HSDL1: variants seen among roughly 807,000 people sequenced by gnomAD.
HSDL1 encodes the protein inactive hydroxysteroid dehydrogenase-like protein 1.
A neutral mutation model predicts 31.5 loss-of-function variants in HSDL1; 29 were observed. The ratio of observed to expected loss-of-function variants is 0.92; its 90% CI spans 0.69 to 1.26. The LOEUF (loss-of-function observed/expected upper bound fraction) is 1.26. Ranked by LOEUF, HSDL1 falls within the 50% of genes most tolerant of loss-of-function variation. HSDL1 has a pLI of 0.00. For missense variants in HSDL1, 503 were observed against 416.6 expected (o/e 1.21, Z -1.81); for synonymous variants, 222 against 155.2 (o/e 1.43, Z -3.20).
At position 84,143,488 on chromosome 16, in the gene HSDL1, T is replaced by C. The variant is rs769216695; in HGVS notation, c.-69+1592A>G. 7.2e-5 allele frequency among the ~76,000 whole-genome samples: 11 copies of C among 152,302 alleles called. No individual in the cohort carries two copies. In the East Asian group the frequency reaches 7.7e-4, roughly 11 times the overall value. The stretch of plus-strand genomic sequence containing the variant: ...ACTGTTAATGGGGTTGGGGTTTCTT[T>C]TGTAGGTGATTAAATGTTCTGGAAT... On this transcript the variant is annotated intron_variant, in intron 1 of 5. Coordinates refer to ENST00000219439, the MANE Select transcript of HSDL1 (RefSeq NM_031463.5).
intron 2 of HSDL1, among the ~76,000 whole-genome samples, chr16:84,131,909 G>C (rs528818680): frequency 5.5e-4 from 84 of 152,330 alleles, no homozygotes; most frequent in Non-Finnish European, 1.1e-3. Flanking sequence ...TCAAACTCCT[G>C]ACCTCAGGTG....
intron 1 of HSDL1, among the ~76,000 whole-genome samples, chr16:84,140,610 A>G (rs889145812): frequency 2.0e-5 from 3 of 152,154 alleles, no homozygotes; most frequent in Admixed American, 2.0e-4. Context: ...TATTATGCAC[A>G]GTTCAAAGAA....
chr16:84,141,443 G>A (rs2086768754), intron 1 of HSDL1, among the ~76,000 whole-genome samples: 1 of 152,240 alleles, frequency 6.6e-6, no homozygotes, highest in African/African-American at 2.4e-5. Flanking sequence ...CACGTGCACT[G>A]TTTCTGCTGG....
rs865801592 is a variant in HSDL1 at position 84,124,689 on chromosome 16, A to G, written c.934T>C (p.Trp312Arg). The G allele has an allele frequency of 1.2e-6, 2 of 1,613,934 alleles. No individual in the cohort carries two copies. The highest frequency in any genetic ancestry group is 1.7e-6 in the Non-Finnish European group (2 of 1,179,794). ...AQYMPEWLWVWGANILNRSLR... is the reference protein window; with the variant it reads ...AQYMPEWLWVRGANILNRSLR... ...GAACGGTTGAGAATATTTGCTCCCC[A>G]CACCCAGAGCCATTCAGGCATATAC... Residue 312 changes from tryptophan to arginine, a missense_variant, in exon 6 of 6, where the codon TGG becomes CGG. Physicochemically the swap from Trp to Arg is moderately radical, Grantham distance 101 (BLOSUM62 -3). Coordinates refer to ENST00000219439, the MANE Select transcript of HSDL1 (RefSeq NM_031463.5).
Position 84,122,504 on chromosome 16 carries a change from T to A in HSDL1, c.*2126A>T, listed in dbSNP as rs2086564271. The A allele has an allele frequency of 6.6e-6, 1 of 152,212 alleles. No homozygotes were observed. Among genetic ancestry groups the A allele is most frequent in the Non-Finnish European group, 1.5e-5 (1 of 68,088 alleles). 9.4% of individuals were successfully genotyped at this position (152,212 alleles called of 1,614,324 possible). The stretch of plus-strand genomic sequence containing the variant: ...TCCCAAGTAGCTGGGACTACAGGCA[T>A]GCACCACCCTGCCTGGCTAATTTTT... On this transcript the variant is annotated 3_prime_UTR_variant, in exon 6 of 6. Transcript: ENST00000219439.
At chr16:84,143,808 C>G (rs2086797809) in intron 1 of HSDL1, among the ~76,000 whole-genome samples, 1 of 149,882 alleles carries the variant, frequency 6.7e-6, no homozygotes, top group East Asian at 1.9e-4. Flanking sequence ...GCTACCCTGA[C>G]CAACACAGCG....
chr16:84,130,517 G>C (rs928186429), intron 3 of HSDL1, 86 bp from the exon 4 acceptor site: 3 of 1,136,712 alleles, frequency 2.6e-6, no homozygotes, highest in Non-Finnish European at 3.8e-6. Flanking sequence ...GTCAGGTTTA[G>C]TCAGAGAAAA....
intron 2 of HSDL1, among the ~76,000 whole-genome samples, chr16:84,133,329 C>T (rs1051206017): frequency 6.6e-6 from 1 of 152,134 alleles, no homozygotes; most frequent in African/African-American, 2.4e-5. Context: ...TTCCTAAATG[C>T]CCTACGATAA....
At chr16:84,133,912 C>G (rs1263821130) in intron 2 of HSDL1, among the ~76,000 whole-genome samples, 1 of 152,100 alleles carries the variant, frequency 6.6e-6, no homozygotes, top group Non-Finnish European at 1.5e-5. Flanking sequence ...AATACTTAAG[C>G]TAAAAACAAC....
intron 4 of HSDL1, 98 bp downstream of exon 4, chr16:84,129,888 G>T: frequency 2.8e-6 from 4 of 1,404,294 alleles, no homozygotes; most frequent in Non-Finnish European, 3.9e-6. Flanking sequence ...ATAAGCATAT[G>T]TGAGTTGCTG....
intron 1 of HSDL1, among the ~76,000 whole-genome samples, chr16:84,142,784 T>G (rs954072281): frequency 3.9e-5 from 6 of 152,182 alleles, no homozygotes; most frequent in African/African-American, 1.2e-4. Context: ...TGTAGACAAC[T>G]TTATTTAATA....
At chr16:84,127,627 G>C (rs1035660945) in intron 5 of HSDL1, among the ~76,000 whole-genome samples, 1 of 148,096 alleles carries the variant, frequency 6.8e-6, no homozygotes. Context: ...CATGCAAACA[G>C]TCCCAAAAAT....
chr16:84,142,427 CA>C (rs2086776954), intron 1 of HSDL1, among the ~76,000 whole-genome samples: 1 of 118,312 alleles, frequency 8.5e-6, no homozygotes, highest in Non-Finnish European at 1.7e-5. Flanking sequence ...GGATCTCACA[CA>C]TCTTTTTTTT....
intron 2 of HSDL1, among the ~76,000 whole-genome samples, chr16:84,132,794 G>C (rs1057135876): frequency 6.6e-6 from 1 of 152,120 alleles, no homozygotes; most frequent in Non-Finnish European, 1.5e-5. Context: ...CCAACCGTGT[G>C]CATCCTGCGA....
chr16:84,129,665 G>A lies in HSDL1; in HGVS notation c.777C>T (p.Ser259=), dbSNP rs1167676719. 3.7e-6 allele frequency: 6 copies of A among 1,614,166 alleles called. No individual in the cohort carries two copies. The highest frequency in any genetic ancestry group is 5.1e-6 in the Non-Finnish European group (6 of 1,179,996). Residue 259 remains serine, a synonymous_variant, in exon 5 of 6, where the codon AGC becomes AGT. Transcript: ENST00000219439. Reference sequence around the variant, plus strand: ...ACCACGAGCACCTGTGCAGAAAGTTGCTGGGTGCTGTCATGCTGGTGGCTA... The same window carrying A: ...ACCACGAGCACCTGTGCAGAAAGTTACTGGGTGCTGTCATGCTGGTGGCTA... ...FYVATSMTAP[S]NFLHRCSWLV...
intron 1 of HSDL1, among the ~76,000 whole-genome samples, chr16:84,138,963 T>G (rs74837731): frequency 0.041 from 6,189 of 152,184 alleles, 392 homozygotes; most frequent in African/African-American, 0.14. Flanking sequence ...TCAACTCAAA[T>G]AGAAAAACCT....
chr16:84,131,312 C>A lies in HSDL1; in HGVS notation c.10G>T (p.Val4Phe). Residue 4 changes from valine to phenylalanine, a missense_variant, in exon 3 of 6, where the codon GTT becomes TTT. Coordinates refer to ENST00000219439, the MANE Select transcript of HSDL1 (RefSeq NM_031463.5). Reference sequence around the variant, plus strand: ...CTGTACAAGAGGTAGAAACTGTCAACAGCAGCCATGGCAACCTGCAGGGAG... The same window carrying A: ...CTGTACAAGAGGTAGAAACTGTCAAAAGCAGCCATGGCAACCTGCAGGGAG... Reference protein sequence around the residue: MAAVDSFYLLYREI... With the variant: MAAFDSFYLLYREI... The A allele has an allele frequency of 6.2e-7, 1 of 1,613,530 alleles. No individual in the cohort carries two copies. The highest frequency in any genetic ancestry group is 8.5e-7 in the Non-Finnish European group (1 of 1,179,634).
At chr16:84,141,370 G>C (rs2086767930) in intron 1 of HSDL1, among the ~76,000 whole-genome samples, 1 of 151,868 alleles carries the variant, frequency 6.6e-6, no homozygotes, top group Admixed American at 6.6e-5. Flanking sequence ...ACGATTCACA[G>C]GTCCCCCTGC....
intron 1 of HSDL1, among the ~76,000 whole-genome samples, chr16:84,141,069 C>T (rs1220613217): frequency 6.9e-6 from 1 of 145,768 alleles, no homozygotes; most frequent in Non-Finnish European, 1.5e-5. Context: ...CCCGCCTGGG[C>T]GACAGAACGA....
Sources: allele counts gnomAD v4.1 joint callset (sites outside exome capture counted in the v4.1 genomes callset), GRCh38; gene constraint gnomAD v4.1.1; transcripts MANE v1.5; gene names NCBI Gene and HGNC (gene_info 2026-07-23, HGNC 2026-07-21).